ATP2B2: variants seen among roughly 807,000 people sequenced by gnomAD.
ATP2B2 encodes ATPase plasma membrane Ca2+ transporting 2, also known as plasma membrane calcium-transporting ATPase 2.
Under a neutral mutation model 120.0 loss-of-function variants are expected in ATP2B2, and 15 were observed. The observed-to-expected ratio is 0.12, with a 90% confidence interval of 0.08 to 0.19. The LOEUF (loss-of-function observed/expected upper bound fraction) is 0.19, where lower values mean the gene tolerates loss of function less well. Among genes scored for constraint, ATP2B2 ranks in the 10% least tolerant of loss-of-function variants. ATP2B2 has a pLI of 1.00. For missense variants in ATP2B2, 1,045 were observed against 1,719.8 expected (o/e 0.61, Z 6.94); for synonymous variants, 694 against 700.3 (o/e 0.99, Z 0.14).
In ATP2B2 at chr3:10,371,890, G is replaced by T. The variant is rs1559242841; in HGVS notation, c.1578C>A (p.Asp526Glu). The T allele has an allele frequency of 6.2e-7, 1 of 1,614,120 alleles. No individual in the cohort carries two copies. The highest frequency in any genetic ancestry group is 8.5e-7 in the Non-Finnish European group (1 of 1,180,010). Residue 526 changes from aspartate (D) to glutamate (E), a missense_variant, in exon 12 of 23, where the codon GAC becomes GAA. This residue lies in a region of ATP2B2 where 343 missense variants were observed against 536.8 expected (regional missense o/e 0.64). Coordinates refer to ENST00000360273, the MANE Select transcript of ATP2B2 (RefSeq NM_001001331.4). Reference sequence around the variant, plus strand: ...TGGTCTTGGTGTTGATGGAGCTGGGGTCGGGGATCTCTTTATAGTGGACGT... The same window carrying T: ...TGGTCTTGGTGTTGATGGAGCTGGGTTCGGGGATCTCTTTATAGTGGACGT... Reference protein sequence around the residue: ...VGDVHYKEIPDPSSINTKTME... With the variant: ...VGDVHYKEIPEPSSINTKTME...
Position 10,591,243 on chromosome 3 carries a change from A to G in ATP2B2, c.-415+28674T>C, listed in dbSNP as rs2068636383. ...CATGCAGGCACTGGGGATTCAGTGCAGTGCACACACAGCCCCCTTCACTTG... is the reference window on the plus strand; with the variant it reads ...CATGCAGGCACTGGGGATTCAGTGCGGTGCACACACAGCCCCCTTCACTTG... On this transcript the variant is annotated intron_variant, in intron 2 of 21. Transcript: ENST00000646379. Among the ~76,000 whole-genome samples the G allele has an allele frequency of 2.0e-5, 3 of 152,166 alleles. No homozygotes were observed. The South Asian group carries it at 6.2e-4, about 32-fold the overall frequency.
intron 2 of ATP2B2, among the ~76,000 whole-genome samples, chr3:10,432,848 T>C (rs1452455990): frequency 6.6e-6 from 1 of 152,098 alleles, no homozygotes; most frequent in East Asian, 1.9e-4. Flanking sequence ...AAGGAGGCGG[T>C]GGAGAGGTTG....
chr3:10,581,448 G>A (rs1296486321), intron 2 of ATP2B2, among the ~76,000 whole-genome samples: 1 of 152,204 alleles, frequency 6.6e-6, no homozygotes, highest in Non-Finnish European at 1.5e-5. Context: ...CTGGGGCAAG[G>A]CAGGGGCACG....
In ATP2B2 at chr3:10,337,939, A is replaced by G. The variant is rs4684040; in HGVS notation, c.3420+237T>C. Among the ~76,000 whole-genome samples, 10,339 of 152,020 alleles carry G rather than the reference A, an allele frequency of 0.068. 517 individuals are homozygous for G. The highest frequency in any genetic ancestry group is 0.25 in the East Asian group (1,306 of 5,150). On this transcript the variant is annotated intron_variant, in intron 22 of 22. Transcript: ENST00000360273. ...GACCATGGTGGGTGTGACCCCTACCACTTCCCCGTGCTGCCCTGAGAGGGC... is the reference window on the plus strand; with the variant it reads ...GACCATGGTGGGTGTGACCCCTACCGCTTCCCCGTGCTGCCCTGAGAGGGC...
At chr3:10,380,128 C>A (rs1351648130) in intron 8 of ATP2B2, among the ~76,000 whole-genome samples, 2 of 152,228 alleles carry the variant, frequency 1.3e-5, no homozygotes, top group Non-Finnish European at 2.9e-5. Flanking sequence ...CCCTTCCATA[C>A]CAGGGCCTGG....
intron 1 of ATP2B2, among the ~76,000 whole-genome samples, chr3:10,503,488 C>T (rs1026765364): frequency 6.6e-6 from 1 of 152,242 alleles, no homozygotes; most frequent in East Asian, 1.9e-4. Context: ...GAGGCTGTGG[C>T]GGGCACTTAG....
intron 3 of ATP2B2, among the ~76,000 whole-genome samples, chr3:10,517,665 G>A (rs983053846): frequency 3.3e-5 from 5 of 152,160 alleles, no homozygotes; most frequent in Non-Finnish European, 5.9e-5. Context: ...CACTGAATCC[G>A]TGCAACCCCA....
intron 1 of ATP2B2, among the ~76,000 whole-genome samples, chr3:10,488,948 C>T (rs2065833714): frequency 6.6e-6 from 1 of 152,158 alleles, no homozygotes; most frequent in Admixed American, 6.5e-5. Flanking sequence ...CTGTGATGGC[C>T]CACGAGACCC....
intron 1 of ATP2B2, among the ~76,000 whole-genome samples, chr3:10,630,021 T>C (rs79056778): frequency 0.083 from 12,658 of 152,248 alleles, 847 homozygotes; most frequent in Admixed American, 0.2. Context: ...GACTGACCTC[T>C]CACTGTCCGT....
chr3:10,622,252 G>A lies in ATP2B2; in HGVS notation c.-459-2291C>T, dbSNP rs139671761. Among the ~76,000 whole-genome samples, 678 of 152,234 alleles carry A rather than the reference G, an allele frequency of 4.5e-3. 4 individuals are homozygous for A. Among genetic ancestry groups the A allele is most frequent in the African/African-American group, 0.015 (637 of 41,544 alleles). On this transcript the variant is annotated intron_variant, in intron 1 of 21. Coordinates refer to the ATP2B2 transcript ENST00000646379. ...TCAGCCGTGCCCCCATCTTCTCCAC[G>A]GGGACTTTTGGGATGAAAGATTGAT...
chr3:10,533,150 A>G (rs1471577234), intron 3 of ATP2B2, among the ~76,000 whole-genome samples: 1 of 152,174 alleles, frequency 6.6e-6, no homozygotes, highest in Non-Finnish European at 1.5e-5. Context: ...AGCAAGGCAA[A>G]TAGCAGAGGC....
chr3:10,483,594 G>A (rs951975839), intron 1 of ATP2B2, among the ~76,000 whole-genome samples: 2 of 152,150 alleles, frequency 1.3e-5, no homozygotes, highest in African/African-American at 4.8e-5. Flanking sequence ...CTCTTACTGG[G>A]GAATTCTCTG....
At chr3:10,671,001 T>C (rs1221108294) in intron 1 of ATP2B2, among the ~76,000 whole-genome samples, 1 of 152,018 alleles carries the variant, frequency 6.6e-6, no homozygotes, top group Admixed American at 6.6e-5. Flanking sequence ...AGTGGGAGGG[T>C]GTATCAGATG....
At chr3:10,680,824 C>T (rs933852858) in intron 1 of ATP2B2, among the ~76,000 whole-genome samples, 2 of 152,136 alleles carry the variant, frequency 1.3e-5, no homozygotes, top group Non-Finnish European at 2.9e-5. Context: ...ATTCCTACAC[C>T]CCTCCTGATA....
chr3:10,354,746 C>T (rs3774182), intron 14 of ATP2B2, among the ~76,000 whole-genome samples: 2,460 of 152,266 alleles, frequency 0.016, 61 homozygotes, highest in African/African-American at 0.049. Context: ...CCAGGGAAAC[C>T]GAGGGAGGTA....
chr3:10,504,006 G>T (rs2066499708), intron 1 of ATP2B2, among the ~76,000 whole-genome samples: 1 of 152,182 alleles, frequency 6.6e-6, no homozygotes, highest in Non-Finnish European at 1.5e-5. Flanking sequence ...CATTCCATAT[G>T]TGTATATATG....
intron 14 of ATP2B2, among the ~76,000 whole-genome samples, 178 bp downstream of exon 14, chr3:10,358,513 T>A (rs942782636): frequency 6.6e-6 from 1 of 152,214 alleles, no homozygotes; most frequent in African/African-American, 2.4e-5. Flanking sequence ...CCATGCCACA[T>A]GTGGTCTACA....
chr3:10,385,458 C>A (rs2061649547), intron 7 of ATP2B2, 131 bp from the exon 8 acceptor site: 2 of 760,926 alleles, frequency 2.6e-6, no homozygotes, highest in Non-Finnish European at 4.4e-6. Flanking sequence ...CCTTTGGAAA[C>A]CAAGAAACTC....
At chr3:10,606,136 CA>C (rs1247748336) in intron 2 of ATP2B2, among the ~76,000 whole-genome samples, 1 of 151,926 alleles carries the variant, frequency 6.6e-6, no homozygotes, top group African/African-American at 2.4e-5. Flanking sequence ...AAAACAAAAA[CA>C]AAAAAACAAC....
Sources: gnomAD v4.1 joint callset for allele counts (sites outside exome capture counted in the v4.1 genomes callset) on GRCh38, gnomAD v4.1.1 for gene constraint, gnomAD v4.1.1 regional missense constraint, MANE v1.5 for transcripts, NCBI Gene and HGNC (gene_info 2026-07-23, HGNC 2026-07-21) for gene names.